Variants in CSMD3 observed in about 807,000 individuals in gnomAD.
CSMD3 encodes CUB and sushi domain-containing protein 3.
In CSMD3, 177 loss-of-function variants were observed where a neutral mutation model predicts 435.2. The observed-to-expected ratio is 0.41, with a 90% CI of 0.36 to 0.46. The LOEUF is 0.46. Among genes scored for constraint, CSMD3 ranks in the 20% least tolerant of loss-of-function variants. CSMD3 has a pLI of 0.34. For synonymous variants in CSMD3, 1,656 were observed against 1,520.5 expected, an observed-to-expected ratio of 1.09 and a Z score of -2.07; for missense variants, 4,265 against 4,504.6, an observed-to-expected ratio of 0.95 and a Z score of 1.52.
rs139435264 is a variant in CSMD3, at chr8:112,295,511, A to G, written c.8614+322T>C. On this transcript the variant is annotated intron_variant, in intron 54 of 70. Transcript: ENST00000297405. ...TTGATACAGCTACACAGTGGTCTCT[A>G]GAAATTTAAACCCTTATAATTACAA... Among the ~76,000 whole-genome samples the G allele has an allele frequency of 8.1e-3, 1,230 of 152,148 alleles. 12 individuals carry two copies. Among genetic ancestry groups the G allele is most frequent in the African/African-American group, 0.028 (1,162 of 41,540 alleles).
intron 32 of CSMD3, among the ~76,000 whole-genome samples, chr8:112,410,500 A>G (rs1832243615): frequency 7.7e-6 from 1 of 130,536 alleles, no homozygotes; most frequent in African/African-American, 3.3e-5. Context: ...CTCCAAATAT[A>G]TATATATATA....
intron 19 of CSMD3, among the ~76,000 whole-genome samples, chr8:112,648,948 T>C (rs2075053273): frequency 6.6e-6 from 1 of 152,176 alleles, no homozygotes; most frequent in African/African-American, 2.4e-5. Context: ...TATGGATGAA[T>C]TGAATACCTT....
intron 1 of CSMD3, among the ~76,000 whole-genome samples, chr8:113,424,664 C>T (rs1373704595): frequency 6.6e-6 from 1 of 150,782 alleles, no homozygotes; most frequent in African/African-American, 2.4e-5. Flanking sequence ...TAAAGAAATA[C>T]ATGTGGGATC....
chr8:112,376,502 G>A lies in CSMD3; in HGVS notation c.6136+3850C>T, dbSNP rs147158009. On this transcript the variant is annotated intron_variant, in intron 38 of 70. Coordinates refer to ENST00000297405, the MANE Select transcript of CSMD3 (RefSeq NM_198123.2). Reference sequence around the variant, plus strand: ...TGCTTATCAATTGCAGCTGTTGTTCGCTCCCACTGAGAGTTTCACGTCATT... The same window carrying A: ...TGCTTATCAATTGCAGCTGTTGTTCACTCCCACTGAGAGTTTCACGTCATT... Among the ~76,000 whole-genome samples the A allele has an allele frequency of 2.9e-3, 448 of 152,012 alleles. 4 individuals are homozygous for A. The highest frequency in any genetic ancestry group is 6.6e-3 in the Admixed American group (100 of 15,228).
At position 112,573,542 on chromosome 8, in the gene CSMD3, T is replaced by C; in HGVS notation, c.4001A>G (p.Asp1334Gly). 6.2e-7 allele frequency: 1 copy of C among 1,613,552 alleles called. No individual in the cohort carries two copies. The highest frequency in any genetic ancestry group is 8.5e-7 in the Non-Finnish European group (1 of 1,179,610). ...SNQLWLEFNS[D>G]TEGTDEGFQL... is the part of the protein sequence containing the mutation. ...AAAGCCTTCATCTGTCCCTTCAGTA[T>C]CGGAATTAAATTCTAGCCAGAGTTG... The change falls in exon 24 of 71, where the codon GAT (aspartate) becomes GGT (glycine). Residue 1334 changes from aspartate (D) to glycine (G), a missense_variant. Transcript: ENST00000297405.
chr8:113,168,429 G>A (rs2092197081), intron 4 of CSMD3, among the ~76,000 whole-genome samples: 2 of 142,860 alleles, frequency 1.4e-5, no homozygotes, highest in South Asian at 4.6e-4. Context: ...GCTGAGGCAG[G>A]AGAATCGCTT....
At chr8:112,588,506 T>G (rs1830917398) in intron 22 of CSMD3, among the ~76,000 whole-genome samples, 1 of 152,094 alleles carries the variant, frequency 6.6e-6, no homozygotes, top group Admixed American at 6.6e-5. Context: ...TAAATTACTT[T>G]ATTTTAATGT....
intron 38 of CSMD3, among the ~76,000 whole-genome samples, chr8:112,355,192 A>C (rs542740990): frequency 1.8e-3 from 278 of 152,354 alleles, no homozygotes; most frequent in African/African-American, 6.4e-3. Context: ...CATTTACAAA[A>C]ACTAACTCTT....
At chr8:112,986,920 T>C (rs2085275844) in intron 6 of CSMD3, among the ~76,000 whole-genome samples, 1 of 152,066 alleles carries the variant, frequency 6.6e-6, no homozygotes, top group African/African-American at 2.4e-5. Context: ...ATTAGGTAGA[T>C]AAAGATATAA....
rs532994896 is a variant in CSMD3, at chr8:112,266,855, T to G, written c.9509-1265A>C. 1.2e-4 allele frequency among the ~76,000 whole-genome samples: 18 copies of G among 152,288 alleles called. No individual in the cohort carries two copies. In the South Asian group the frequency reaches 3.7e-3, roughly 32 times the overall value. Reference sequence around the variant, plus strand: ...TGGGCAGCGAATTGGCTAAAAAACTTTCTACCAGCTAAGAAAACGAAAACT... The same window carrying G: ...TGGGCAGCGAATTGGCTAAAAAACTGTCTACCAGCTAAGAAAACGAAAACT... On this transcript the variant is annotated intron_variant, in intron 59 of 70. Coordinates refer to ENST00000297405, the MANE Select transcript of CSMD3 (RefSeq NM_198123.2).
chr8:112,581,639 T>C (rs1255026644), intron 23 of CSMD3, among the ~76,000 whole-genome samples: 1 of 152,090 alleles, frequency 6.6e-6, no homozygotes, highest in Non-Finnish European at 1.5e-5. Context: ...AGAATGTTTA[T>C]GGAGCATTTA....
intron 63 of CSMD3, among the ~76,000 whole-genome samples, chr8:112,248,487 T>C (rs1814965743): frequency 6.6e-6 from 1 of 152,082 alleles, no homozygotes; most frequent in African/African-American, 2.4e-5. Flanking sequence ...ACAAGATTTA[T>C]TGGATGATTA....
In CSMD3 at chr8:112,682,491, A is replaced by T; in HGVS notation, c.2628T>A (p.Ile876=). Residue 876 remains isoleucine (I), a synonymous_variant, in exon 16 of 71, where the codon ATT becomes ATA. Coordinates refer to ENST00000297405, the MANE Select transcript of CSMD3 (RefSeq NM_198123.2). Reference sequence around the variant, plus strand: ...TCCACATTACTTTTCCATCCATAAGAATACATGTAATTGTTTCTGTTCCCT... The same window carrying T: ...TCCACATTACTTTTCCATCCATAAGTATACATGTAATTGTTTCTGTTCCCT... ...KTQGTETITC[I]LMDGKVMWSG... is the part of the protein sequence containing the mutation. 1.9e-6 allele frequency: 3 copies of T among 1,613,408 alleles called. No individual in the cohort carries two copies. Among genetic ancestry groups the T allele is most frequent in the Non-Finnish European group, 2.5e-6 (3 of 1,179,846 alleles).
At chr8:113,373,736 A>G (rs1400322618) in intron 1 of CSMD3, among the ~76,000 whole-genome samples, 1 of 152,144 alleles carries the variant, frequency 6.6e-6, no homozygotes. Flanking sequence ...TAGGGTATTT[A>G]TCACATATTT....
At chr8:112,654,616 A>G (rs1049288324) in intron 18 of CSMD3, among the ~76,000 whole-genome samples, 3 of 152,162 alleles carry the variant, frequency 2.0e-5, no homozygotes, top group Admixed American at 6.6e-5. Flanking sequence ...TTTGAGCAGG[A>G]CTTCTTATTT....
intron 2 of CSMD3, among the ~76,000 whole-genome samples, chr8:113,296,544 A>G (rs570868044): frequency 6.6e-6 from 1 of 152,156 alleles, no homozygotes; most frequent in South Asian, 2.1e-4. Flanking sequence ...CAACCAAACA[A>G]ACAAACAAAA....
intron 13 of CSMD3, among the ~76,000 whole-genome samples, chr8:112,774,517 C>T (rs550447550): frequency 2.0e-5 from 3 of 151,926 alleles, no homozygotes; most frequent in South Asian, 2.1e-4. Flanking sequence ...TGCACTGAGT[C>T]GAAATCTACT....
chr8:112,650,539 C>G (rs4633091), intron 18 of CSMD3, among the ~76,000 whole-genome samples, 190 bp from the exon 19 acceptor site: 45,419 of 151,806 alleles, frequency 0.3, 6,854 homozygotes, highest in East Asian at 0.36. Context: ...GGATCAAATT[C>G]AGGTCATTTA....
chr8:113,334,383 T>C (rs148076549), intron 1 of CSMD3, among the ~76,000 whole-genome samples: 3 of 149,650 alleles, frequency 2.0e-5, no homozygotes, highest in Admixed American at 6.7e-5. Flanking sequence ...GTGGATGACA[T>C]TGGTTGATTC....
Sources: gnomAD v4.1 joint callset for allele counts (sites outside exome capture counted in the v4.1 genomes callset) on GRCh38, gnomAD v4.1.1 for gene constraint, MANE v1.5 for transcripts, NCBI Gene and HGNC (gene_info 2026-07-23, HGNC 2026-07-21) for gene names.